The following PCDHA9 variants were observed in gnomAD, a reference collection of about 807,000 sequenced individuals.
The protein encoded by PCDHA9 is protocadherin alpha 9.
In PCDHA9, 62 loss-of-function variants were observed where a neutral mutation model predicts 62.0. That is an observed-to-expected ratio of 1.00 (90% CI 0.81 to 1.23). The LOEUF is 1.23. Ranked by LOEUF, PCDHA9 falls within the 50% of genes most tolerant of loss-of-function variation. PCDHA9 has a pLI of 0.00. For missense variants in PCDHA9, 1,205 were observed against 1,249.8 expected (o/e 0.96, Z 0.54); for synonymous variants, 557 against 567.6 (o/e 0.98, Z 0.27).
intron 1 of PCDHA9, 81 bp from the exon 2 acceptor site, chr5:140,978,868 G>A: frequency 6.2e-7 from 1 of 1,606,078 alleles, no homozygotes; most frequent in Non-Finnish European, 8.5e-7. Context: ...ATATTTAAGG[G>A]AGTAACTAAT....
At chr5:140,961,384 A>G (rs568973458) in intron 1 of PCDHA9, among the ~76,000 whole-genome samples, 44 of 152,302 alleles carry the variant, frequency 2.9e-4, no homozygotes, top group Non-Finnish European at 5.7e-4. Flanking sequence ...AGTTTGAACT[A>G]TTCCATTAGT....
rs375332226 is a variant in PCDHA9 at position 141,003,567 on chromosome 5, ACTCCCAAAGTG to A, written c.2543-6057_2543-6047del. Among the ~76,000 whole-genome samples, 186 of 152,020 alleles carry A rather than the reference ACTCCCAAAGTG, an allele frequency of 1.2e-3. 1 individual carries two copies. Among genetic ancestry groups the A allele is most frequent in the African/African-American group, 4.1e-3 (172 of 41,464 alleles). On this transcript the variant is annotated intron_variant, in intron 3 of 3. Coordinates refer to ENST00000532602, the MANE Select transcript of PCDHA9 (RefSeq NM_031857.2). ...GCTTCAAGTGATCCACCTGCCTCAGACTCCCAAAGTGCTGGGATTTTAGATGTGAGCCACCA... is the reference window on the plus strand; with the variant it reads ...GCTTCAAGTGATCCACCTGCCTCAGACTGGGATTTTAGATGTGAGCCACCA...
In PCDHA9 at chr5:140,883,821, A is replaced by T; in HGVS notation, c.2394+32932A>T. ...GTGCACGCGGAGAGCGGCAAGGTGT[A>T]CGCGCTGCAGCCGTTGGACCACGAG... On this transcript the variant is annotated intron_variant, in intron 1 of 3. Transcript: ENST00000532602. 6.2e-7 allele frequency: 1 copy of T among 1,612,450 alleles called. No individual in the cohort carries two copies. The highest frequency in any genetic ancestry group is 8.5e-7 in the Non-Finnish European group (1 of 1,179,756).
chr5:140,929,484 T>C, intron 1 of PCDHA9: 1 of 1,156,262 alleles, frequency 8.6e-7, no homozygotes, highest in Non-Finnish European at 1.2e-6. Context: ...AGTATAGAAG[T>C]ATTAGAAGAT....
At chr5:140,955,312 C>T (rs1022804259) in intron 1 of PCDHA9, among the ~76,000 whole-genome samples, 2 of 152,100 alleles carry the variant, frequency 1.3e-5, no homozygotes, top group Admixed American at 6.6e-5. Flanking sequence ...ACCCAAATCT[C>T]ACCTTGAATT....
intron 1 of PCDHA9, chr5:140,856,033 A>T: frequency 1.3e-6 from 2 of 1,564,122 alleles, no homozygotes; most frequent in Non-Finnish European, 1.7e-6. Flanking sequence ...GATTTGTAAA[A>T]CAAGAGAAGG....
chr5:140,881,310 G>A (rs782291557), intron 1 of PCDHA9: 31 of 977,830 alleles, frequency 3.2e-5, no homozygotes, highest in Non-Finnish European at 3.6e-5. Flanking sequence ...TAACCTCCTG[G>A]TTAAATTCTA....
rs560485194 is a variant in PCDHA9 at position 140,872,763 on chromosome 5, G to A, written c.2394+21874G>A. ...AACTTGCTAAAGACATGCATATAGG[G>A]CTATATTATCTATAATATATGCTAG... On this transcript the variant is annotated intron_variant, in intron 1 of 3. Coordinates refer to ENST00000532602, the MANE Select transcript of PCDHA9 (RefSeq NM_031857.2). 2.0e-5 allele frequency among the ~76,000 whole-genome samples: 3 copies of A among 152,126 alleles called. No homozygotes were observed. The South Asian group carries it at 6.2e-4, about 32-fold the overall frequency.
intron 1 of PCDHA9, chr5:140,868,884 T>G (rs2050712940): frequency 1.4e-6 from 1 of 728,466 alleles, no homozygotes; most frequent in South Asian, 2.1e-5. Context: ...ACTCACAGTT[T>G]TAGGCGCAAG....
intron 1 of PCDHA9, among the ~76,000 whole-genome samples, chr5:140,922,496 G>A (rs1554200851): frequency 6.6e-6 from 1 of 152,222 alleles, no homozygotes; most frequent in African/African-American, 2.4e-5. Flanking sequence ...ATCTGAGAGT[G>A]AGCAGATGCA....
chr5:140,991,885 A>G (rs1554252463), intron 3 of PCDHA9, among the ~76,000 whole-genome samples: 1 of 152,198 alleles, frequency 6.6e-6, no homozygotes, highest in Non-Finnish European at 1.5e-5. Context: ...GGCTGCCATA[A>G]CAAATTAACA....
intron 1 of PCDHA9, chr5:140,870,487 T>A: frequency 6.2e-7 from 1 of 1,614,204 alleles, no homozygotes. Flanking sequence ...GTACACCGTG[T>A]TCGTGAAGGA....
At chr5:140,906,092 A>G (rs985090106) in intron 1 of PCDHA9, among the ~76,000 whole-genome samples, 2 of 152,140 alleles carry the variant, frequency 1.3e-5, no homozygotes, top group Non-Finnish European at 2.9e-5. Context: ...GACTGAGAGT[A>G]AGTGTGTCTT....
At chr5:140,917,070 G>A (rs528403297) in intron 1 of PCDHA9, among the ~76,000 whole-genome samples, 14 of 152,102 alleles carry the variant, frequency 9.2e-5, no homozygotes, top group Non-Finnish European at 1.9e-4. Context: ...ACAGCACCGA[G>A]TTTAATGTAA....
chr5:140,869,102 C>G, intron 1 of PCDHA9: 1 of 1,598,758 alleles, frequency 6.3e-7, no homozygotes, highest in Non-Finnish European at 8.5e-7. Context: ...ATTTCGTATG[C>G]GATGTTTGGT....
intron 1 of PCDHA9, among the ~76,000 whole-genome samples, chr5:140,880,028 G>A (rs577776398): frequency 1.2e-4 from 19 of 152,308 alleles, no homozygotes; most frequent in African/African-American, 4.6e-4. Flanking sequence ...AAATCCACAA[G>A]TTCCAGGGAT....
chr5:140,968,782 C>T (rs1256152245), intron 1 of PCDHA9: 43 of 1,614,072 alleles, frequency 2.7e-5, no homozygotes, highest in African/African-American at 8.0e-5. Flanking sequence ...CACTATCAGC[C>T]TCTGTGGCCA....
intron 1 of PCDHA9, among the ~76,000 whole-genome samples, chr5:140,910,005 G>T (rs1554194067): frequency 1.3e-5 from 2 of 152,212 alleles, no homozygotes; most frequent in African/African-American, 4.8e-5. Flanking sequence ...ATTGTTGTCA[G>T]TGTCATCCTT....
chr5:140,995,905 G>C (rs1346539389), intron 3 of PCDHA9, among the ~76,000 whole-genome samples: 1 of 152,186 alleles, frequency 6.6e-6, no homozygotes, highest in Non-Finnish European at 1.5e-5. Flanking sequence ...GTATAAAAGA[G>C]GAGAGACCAT....
Sources: allele counts gnomAD v4.1 joint callset (sites outside exome capture counted in the v4.1 genomes callset), GRCh38; gene constraint gnomAD v4.1.1; transcripts MANE v1.5; gene names NCBI Gene and HGNC (gene_info 2026-07-23, HGNC 2026-07-21).